Variants in SLC36A1 observed in about 807,000 individuals in gnomAD.
SLC36A1 encodes the protein proton-coupled amino acid transporter 1.
SLC36A1 carries 30 observed loss-of-function variants against 47.5 expected under a neutral mutation model. The ratio of observed to expected loss-of-function variants is 0.63; its 90% confidence interval spans 0.47 to 0.86. The LOEUF (loss-of-function observed/expected upper bound fraction) is 0.86, where lower values mean the gene tolerates loss of function less well. Among genes scored for constraint, SLC36A1 ranks in the 40% least tolerant of loss-of-function variants. The probability of loss-of-function intolerance (pLI) is 0.00; values close to 1 mark genes in which losing one functional copy is unlikely to be tolerated. For missense variants in SLC36A1, 517 were observed against 606.0 expected, an observed-to-expected ratio of 0.85 and a Z score of 1.54; for synonymous variants, 255 against 249.7, an observed-to-expected ratio of 1.02 and a Z score of -0.20.
chr5:151,434,647 C>A (rs1759663950), upstream of SLC36A1, among the ~76,000 whole-genome samples: 1 of 152,106 alleles, frequency 6.6e-6, no homozygotes, highest in African/African-American at 2.4e-5. Context: ...TCCTAACCCT[C>A]AGTGTGATGG....
the SLC36A1 span, chr5:151,544,352 C>T: frequency 6.2e-7 from 1 of 1,614,196 alleles, no homozygotes; most frequent in Non-Finnish European, 8.5e-7. Flanking sequence ...ACTAGGACTT[C>T]CACTGTGGCT....
intron 3 of SLC36A1, among the ~76,000 whole-genome samples, chr5:151,464,203 G>A (rs1755994253): frequency 6.6e-6 from 1 of 152,144 alleles, no homozygotes; most frequent in Non-Finnish European, 1.5e-5. Flanking sequence ...ACATCCCTTA[G>A]CCCAGCTCTT....
the SLC36A1 span, chr5:151,382,133 C>T: frequency 2.2e-6 from 2 of 905,096 alleles, no homozygotes; most frequent in Non-Finnish European, 3.7e-6. Flanking sequence ...ACGACCCTTT[C>T]AAGCACAGTG....
At chr5:151,513,378 T>C in the SLC36A1 span, among the ~76,000 whole-genome samples, 1 of 151,960 alleles carries the variant, frequency 6.6e-6, no homozygotes, top group African/African-American at 2.4e-5. Flanking sequence ...ATAAAGAAAA[T>C]ATGGTACAGA....
At chr5:151,379,651 C>G in the SLC36A1 span, among the ~76,000 whole-genome samples, 15 of 152,266 alleles carry the variant, frequency 9.9e-5, no homozygotes, top group Admixed American at 2.6e-4. Context: ...TTAATTGTGG[C>G]CACAGGGACC....
At chr5:151,525,286 A>G in the SLC36A1 span, among the ~76,000 whole-genome samples, 1 of 152,184 alleles carries the variant, frequency 6.6e-6, no homozygotes, top group Non-Finnish European at 1.5e-5. Flanking sequence ...TGAAACCCAT[A>G]ACACCACCAC....
chr5:151,419,405 C>G, the SLC36A1 span, among the ~76,000 whole-genome samples: 1 of 152,166 alleles, frequency 6.6e-6, no homozygotes, highest in African/African-American at 2.4e-5. Flanking sequence ...CCATCTGGAC[C>G]CATGTACACA....
the SLC36A1 span, among the ~76,000 whole-genome samples, chr5:151,497,709 C>G: frequency 1.3e-5 from 2 of 152,112 alleles, no homozygotes; most frequent in Non-Finnish European, 2.9e-5. Flanking sequence ...CTGCAGAATT[C>G]TTGTTGAGGG....
chr5:151,370,664 T>C, the SLC36A1 span, among the ~76,000 whole-genome samples: 1 of 152,226 alleles, frequency 6.6e-6, no homozygotes. Context: ...ACTTTCTTAC[T>C]CAATATCAAC....
At chr5:151,378,296 G>A in the SLC36A1 span, 1 of 209,986 alleles carries the variant, frequency 4.8e-6, no homozygotes. Flanking sequence ...GCAGAGTATG[G>A]CATTCAGAGT....
the SLC36A1 span, among the ~76,000 whole-genome samples, chr5:151,506,678 C>G: frequency 3.3e-5 from 5 of 152,306 alleles, no homozygotes; most frequent in South Asian, 6.2e-4. Context: ...AATGATTATG[C>G]CAAAACATGA....
At position 151,488,896 on chromosome 5, in the gene SLC36A1, C is replaced by G. The variant is rs926983894; in HGVS notation, c.*642C>G. On this transcript the variant is annotated 3_prime_UTR_variant, in exon 11 of 11. Transcript: ENST00000243389. Reference sequence around the variant, plus strand: ...TTAGTGTGGGTCACAGTACTGTGTTCTTAGTTGCTTTAGCTCTTAAAACAT... The same window carrying G: ...TTAGTGTGGGTCACAGTACTGTGTTGTTAGTTGCTTTAGCTCTTAAAACAT... The G allele has an allele frequency of 6.6e-6, 1 of 152,494 alleles. No homozygotes were observed. Among genetic ancestry groups the G allele is most frequent in the Admixed American group, 6.5e-5 (1 of 15,316 alleles). 9.4% of individuals were successfully genotyped at this position (152,494 alleles called of 1,614,324 possible).
chr5:151,519,898 C>G, the SLC36A1 span, among the ~76,000 whole-genome samples: 1 of 150,692 alleles, frequency 6.6e-6, no homozygotes, highest in South Asian at 2.1e-4. Flanking sequence ...AAATTAAAAC[C>G]TCTGGAGGTG....
At chr5:151,527,986 C>T in the SLC36A1 span, 49 of 1,613,582 alleles carry the variant, frequency 3.0e-5, no homozygotes, top group South Asian at 5.2e-4. Context: ...GCCCCTCCCA[C>T]ATGACTCACC....
At chr5:151,476,262 A>C (rs1045581302) in intron 8 of SLC36A1, among the ~76,000 whole-genome samples, 2 of 152,220 alleles carry the variant, frequency 1.3e-5, no homozygotes, top group African/African-American at 2.4e-5. Flanking sequence ...TCTGGTTGCC[A>C]TGTGGCCTCA....
At chr5:151,464,445 A>G in intron 3 of SLC36A1, 69 bp from the exon 4 acceptor site, 1 of 1,323,634 alleles carries the variant, frequency 7.6e-7, no homozygotes, top group Non-Finnish European at 1.1e-6. Context: ...TGAACTGAGT[A>G]TCCATTGGGT....
the SLC36A1 span, chr5:151,420,024 T>A: frequency 6.6e-6 from 1 of 152,190 alleles, no homozygotes; most frequent in Non-Finnish European, 1.5e-5. Flanking sequence ...GGTTCAGAAG[T>A]ATAACATAGG....
the SLC36A1 span, chr5:151,554,387 G>A: frequency 6.2e-7 from 1 of 1,614,180 alleles, no homozygotes; most frequent in Non-Finnish European, 8.5e-7. Flanking sequence ...CTCTCCAGCT[G>A]TAAAAGTGCT....
At chr5:151,408,791 A>G in the SLC36A1 span, among the ~76,000 whole-genome samples, 1 of 152,196 alleles carries the variant, frequency 6.6e-6, no homozygotes, top group Non-Finnish European at 1.5e-5. Context: ...GATATCAGCC[A>G]TGAAAATAAA....
Sources: allele counts gnomAD v4.1 joint callset (sites outside exome capture counted in the v4.1 genomes callset), GRCh38; gene constraint gnomAD v4.1.1; transcripts MANE v1.5; gene names NCBI Gene and HGNC (gene_info 2026-07-23, HGNC 2026-07-21).